Variants in MCF2L observed in about 807,000 individuals in gnomAD.
MCF2L encodes the protein MCF.2 cell line derived transforming sequence like.
MCF2L carries 97 observed loss-of-function variants against 153.4 expected under a neutral mutation model. That is an observed-to-expected ratio of 0.63 (90% CI 0.54 to 0.75). The LOEUF is 0.75. Among genes scored for constraint, MCF2L ranks in the 30% least tolerant of loss-of-function variants. The pLI is 0.00. For missense variants in MCF2L, 1,347 were observed against 1,495.2 expected (o/e 0.90, Z 1.64); for synonymous variants, 659 against 632.2 (o/e 1.04, Z -0.64).
Position 112,969,258 on chromosome 13 carries a change from G to A in MCF2L, c.-122G>A. On this transcript the variant is annotated 5_prime_UTR_variant, in exon 1 of 30. Coordinates refer to ENST00000535094, the MANE Select transcript of MCF2L (RefSeq NM_001112732.3). This position sits in a 1 kb window ranked among gnomAD's most constrained non-coding sequence, Gnocchi z 4.8. Reference sequence around the variant, plus strand: ...GGGAGGCGGCGGCTGGAGGCTGAAAGCGCTGCCGTGGCCCCCTCCCCGCCT... The same window carrying A: ...GGGAGGCGGCGGCTGGAGGCTGAAAACGCTGCCGTGGCCCCCTCCCCGCCT... The A allele has an allele frequency of 7.0e-7, 1 of 1,438,720 alleles. No individual in the cohort carries two copies. The highest frequency in any genetic ancestry group is 9.2e-7 in the Non-Finnish European group (1 of 1,087,114). 89.1% of individuals were successfully genotyped at this position (1,438,720 alleles called of 1,614,324 possible).
At chr13:112,955,291 C>G (rs917277340) in intron 2 of MCF2L, among the ~76,000 whole-genome samples, 1 of 73,274 alleles carries the variant, frequency 1.4e-5, no homozygotes, top group African/African-American at 1.4e-4. Flanking sequence ...CGTCCTGGGT[C>G]CCCTTAGGCA....
chr13:112,947,784 T>C (rs1183695176), intron 2 of MCF2L, among the ~76,000 whole-genome samples: 1 of 151,856 alleles, frequency 6.6e-6, no homozygotes, highest in East Asian at 1.9e-4. Context: ...AGGTCTGGAG[T>C]CTCAGGGGTG....
chr13:112,999,702 G>A (rs2083282727), intron 1 of MCF2L, among the ~76,000 whole-genome samples: 3 of 152,206 alleles, frequency 2.0e-5, no homozygotes, highest in Non-Finnish European at 2.9e-5. Flanking sequence ...GCCTCTGGGC[G>A]TGCTTTGCTG....
At chr13:113,002,852 A>G (rs1442713976) in intron 1 of MCF2L, among the ~76,000 whole-genome samples, 1 of 152,208 alleles carries the variant, frequency 6.6e-6, no homozygotes, top group Non-Finnish European at 1.5e-5. Context: ...GCAATGAATG[A>G]ACATCTAAAG....
chr13:113,084,804 C>G, intron 18 of MCF2L, 88 bp from the exon 19 acceptor site: 1 of 974,282 alleles, frequency 1.0e-6, no homozygotes, highest in Non-Finnish European at 1.6e-6. Context: ...GTGCCCGTCC[C>G]TCACCGCGTA....
chr13:112,950,163 C>A (rs368135424), intron 2 of MCF2L, among the ~76,000 whole-genome samples: 14 of 140,122 alleles, frequency 1.0e-4, no homozygotes, highest in South Asian at 9.3e-4. Context: ...CAAAAAAAAA[C>A]CACTTAAGTG....
At chr13:113,063,750 C>G (rs1040557187) in intron 5 of MCF2L, 1 of 432,172 alleles carries the variant, frequency 2.3e-6, no homozygotes, top group African/African-American at 2.0e-5. Context: ...TGTTCTCCCT[C>G]ATGTCTCCTT....
chr13:112,942,354 A>T (rs572450603), intron 2 of MCF2L, among the ~76,000 whole-genome samples: 438 of 152,300 alleles, frequency 2.9e-3, no homozygotes, highest in African/African-American at 1.0e-2. Context: ...CCTGTCTGGT[A>T]GACATGTGAC....
rs2081597232 is a variant in MCF2L, at chr13:112,943,417, C to T, written c.169+41046C>T. Among the ~76,000 whole-genome samples, 1 of 151,846 alleles carries T rather than the reference C, an allele frequency of 6.6e-6. No individual in the cohort carries two copies. Among genetic ancestry groups the T allele is most frequent in the South Asian group, 2.1e-4 (1 of 4,814 alleles). On this transcript the variant is annotated intron_variant, in intron 2 of 29. Coordinates refer to the MCF2L transcript ENST00000375608. This position sits in a 1 kb window ranked among gnomAD's most constrained non-coding sequence, Gnocchi z 4.2. ...CGGCTCCGCGCCGCAGGCGTGAACG[C>T]CCAACGGAGGGCGCCGGCGCCCGGG...
rs2032842764 is a variant in MCF2L at position 113,070,840 on chromosome 13, G to T, written c.996+667G>T. ...TCTTTCAATCATTCACCTGTTGAAG[G>T]GTATCTGGGTTGTTTCCGGATTTGA... On this transcript the variant is annotated intron_variant, in intron 9 of 29. Coordinates refer to ENST00000535094, the MANE Select transcript of MCF2L (RefSeq NM_001112732.3). The surrounding 1 kb of genome is among the most constrained non-coding windows in gnomAD (Gnocchi z 5.6). 6.6e-6 allele frequency among the ~76,000 whole-genome samples: 1 copy of T among 152,164 alleles called. No individual in the cohort carries two copies. The highest frequency in any genetic ancestry group is 2.1e-4 in the South Asian group (1 of 4,826).
intron 1 of MCF2L, among the ~76,000 whole-genome samples, chr13:112,972,925 G>A (rs565816574): frequency 4.4e-4 from 66 of 150,046 alleles, no homozygotes; most frequent in Non-Finnish European, 8.0e-4. Context: ...TGTGGCCTGA[G>A]CAATGGGCTG....
chr13:113,005,686 C>T (rs1055505201), intron 1 of MCF2L, among the ~76,000 whole-genome samples: 15 of 151,986 alleles, frequency 9.9e-5, no homozygotes, highest in East Asian at 7.7e-4. Context: ...CTGTGGTTAA[C>T]GCTGTATTTG....
intron 15 of MCF2L, among the ~76,000 whole-genome samples, chr13:113,079,922 A>G (rs1280365580): frequency 2.2e-4 from 31 of 138,330 alleles, no homozygotes; most frequent in African/African-American, 4.4e-4. Context: ...TATGGAGGAG[A>G]GTCCAGGCAG....
intron 26 of MCF2L, among the ~76,000 whole-genome samples, chr13:113,091,756 A>G (rs2035240370): frequency 6.6e-6 from 1 of 151,118 alleles, no homozygotes; most frequent in African/African-American, 2.4e-5. Flanking sequence ...TTATATTCTC[A>G]GGGTGAAAAC....
intron 1 of MCF2L, among the ~76,000 whole-genome samples, chr13:112,976,833 G>C (rs1258955254): frequency 6.6e-6 from 1 of 152,234 alleles, no homozygotes; most frequent in Non-Finnish European, 1.5e-5. Flanking sequence ...GAAACCTGGA[G>C]ACAAGGACCT....
chr13:113,083,087 A>G (rs558006554), intron 17 of MCF2L, among the ~76,000 whole-genome samples: 1 of 151,940 alleles, frequency 6.6e-6, no homozygotes, highest in South Asian at 2.1e-4. Flanking sequence ...CTTGTCCTCC[A>G]CTCCTCTGAG....
chr13:112,937,986 GCGCTAA>G (rs372182162), intron 2 of MCF2L, among the ~76,000 whole-genome samples: 1 of 17,126 alleles, frequency 5.8e-5, no homozygotes, highest in Non-Finnish European at 1.3e-4. Context: ...GTTCAGGTGA[GCGCTAA>G]TTGGTTGGTT....
chr13:113,040,162 T>C (rs1280911354), intron 3 of MCF2L, among the ~76,000 whole-genome samples: 1 of 152,162 alleles, frequency 6.6e-6, no homozygotes, highest in East Asian at 1.9e-4. Context: ...TTGGACAAAA[T>C]TCAACGGCAG....
rs576202438 is a variant in MCF2L at position 112,974,213 on chromosome 13, G to T, written c.79+4755G>T. 3.3e-5 allele frequency among the ~76,000 whole-genome samples: 5 copies of T among 152,238 alleles called. No homozygotes were observed. The East Asian group carries it at 9.7e-4, about 29-fold the overall frequency. ...TAAGGGTAAGACCACCTTCTATAGT[G>T]GTGCAAACTCCCCCTCAGAACTAGG... On this transcript the variant is annotated intron_variant, in intron 1 of 29. Coordinates refer to ENST00000535094, the MANE Select transcript of MCF2L (RefSeq NM_001112732.3).
Sources: gnomAD v4.1 joint callset for allele counts (sites outside exome capture counted in the v4.1 genomes callset) on GRCh38, gnomAD v4.1.1 for gene constraint, Gnocchi (gnomAD v3.1) non-coding constraint, MANE v1.5 for transcripts, NCBI Gene and HGNC (gene_info 2026-07-23, HGNC 2026-07-21) for gene names.